The following SMOC1 variants were observed in gnomAD, a reference collection of about 807,000 sequenced individuals.
SMOC1 encodes SPARC-related modular calcium-binding protein 1.
SMOC1 carries 22 observed loss-of-function variants against 56.3 expected under a neutral mutation model. The observed-to-expected ratio is 0.39, with a 90% CI of 0.28 to 0.56. The LOEUF (loss-of-function observed/expected upper bound fraction) is 0.56, where lower values mean the gene tolerates loss of function less well. SMOC1 is among the 20% of genes least tolerant of loss of function. SMOC1 has a pLI of 0.61. For synonymous variants in SMOC1, 193 were observed against 215.0 expected, an observed-to-expected ratio of 0.90 and a Z score of 0.89; for missense variants, 509 against 565.4, an observed-to-expected ratio of 0.90 and a Z score of 1.01.
At chr14:69,951,511 T>C (rs571663012) in intron 1 of SMOC1, among the ~76,000 whole-genome samples, 2 of 152,300 alleles carry the variant, frequency 1.3e-5, no homozygotes, top group Admixed American at 1.3e-4. Context: ...AATCAGGAAA[T>C]CTGTTTCTCA....
intron 2 of SMOC1, 138 bp from the exon 3 acceptor site, chr14:69,953,282 G>A (rs1883070105): frequency 3.9e-6 from 3 of 760,066 alleles, no homozygotes; most frequent in Admixed American, 1.9e-5. Context: ...TACTAGCCAC[G>A]GCCCTTTTAG....
chr14:70,024,016 G>A (rs118154920), intron 11 of SMOC1, among the ~76,000 whole-genome samples: 26 of 152,236 alleles, frequency 1.7e-4, no homozygotes, highest in Non-Finnish European at 2.9e-4. Flanking sequence ...GTGCATGTGA[G>A]GGAGTTTCAT....
At chr14:69,928,678 C>G (rs144169237) in intron 1 of SMOC1, among the ~76,000 whole-genome samples, 315 of 152,130 alleles carry the variant, frequency 2.1e-3, no homozygotes, top group Middle Eastern at 6.8e-3. Flanking sequence ...AAACAAGAGC[C>G]TGCTTCACAT....
intron 7 of SMOC1, among the ~76,000 whole-genome samples, chr14:70,008,489 G>A (rs1885220648): frequency 6.6e-6 from 1 of 152,132 alleles, no homozygotes; most frequent in African/African-American, 2.4e-5. Flanking sequence ...ACTATAAACA[G>A]CTCAGAACAG....
At position 69,977,972 on chromosome 14, in the gene SMOC1, G is replaced by C. The variant is rs758374329; in HGVS notation, c.526+7G>C. On this transcript the variant is annotated splice_region_variant and intron_variant, in intron 5 of 11. Coordinates refer to ENST00000361956, the MANE Select transcript of SMOC1 (RefSeq NM_001034852.3). ...GGTAACTCAGGAAGGAAAGGTGAGT[G>C]GAGTTTTATGCTTTATCTAAATGTT... The C allele has an allele frequency of 2.2e-5, 36 of 1,611,760 alleles. No individual in the cohort carries two copies. The highest frequency in any genetic ancestry group is 3.1e-5 in the Non-Finnish European group (36 of 1,177,952).
chr14:69,882,625 A>G (rs1883675025), intron 1 of SMOC1, among the ~76,000 whole-genome samples: 1 of 152,120 alleles, frequency 6.6e-6, no homozygotes, highest in Admixed American at 6.5e-5. Context: ...TTAATCCTGC[A>G]CAATTTACTG....
chr14:69,886,252 C>T (rs1007667159), intron 1 of SMOC1: 3 of 631,964 alleles, frequency 4.7e-6, no homozygotes, highest in Non-Finnish European at 8.3e-6. Context: ...AGGCCAGCAT[C>T]TTCCTCTTCT....
intron 3 of SMOC1, among the ~76,000 whole-genome samples, chr14:69,974,425 C>T (rs1447424809): frequency 2.0e-5 from 3 of 152,066 alleles, no homozygotes; most frequent in Non-Finnish European, 4.4e-5. Context: ...GGCTCAGAAT[C>T]AGGAGAAACT....
intron 1 of SMOC1, among the ~76,000 whole-genome samples, chr14:69,937,851 G>A (rs561834697): frequency 3.2e-4 from 49 of 152,314 alleles, no homozygotes; most frequent in African/African-American, 1.1e-3. Flanking sequence ...GATCTCAAAT[G>A]ACAGTGGAAA....
intron 10 of SMOC1, among the ~76,000 whole-genome samples, chr14:70,015,676 G>A (rs1885485104): frequency 6.6e-6 from 1 of 152,016 alleles, no homozygotes; most frequent in African/African-American, 2.4e-5. Context: ...ATGAAGACAG[G>A]GTTCAACAGG....
At chr14:69,919,868 T>A (rs1884785921) in intron 1 of SMOC1, among the ~76,000 whole-genome samples, 1 of 151,958 alleles carries the variant, frequency 6.6e-6, no homozygotes, top group African/African-American at 2.4e-5. Flanking sequence ...CAATATGAAA[T>A]TAATACAACC....
At chr14:69,882,687 G>A (rs1883677474) in intron 1 of SMOC1, among the ~76,000 whole-genome samples, 1 of 152,148 alleles carries the variant, frequency 6.6e-6, no homozygotes, top group Non-Finnish European at 1.5e-5. Flanking sequence ...CTGGCTGATG[G>A]TGTCTGGCCG....
At chr14:70,021,017 C>G (rs1052125754) in intron 10 of SMOC1, among the ~76,000 whole-genome samples, 2 of 152,194 alleles carry the variant, frequency 1.3e-5, no homozygotes, top group African/African-American at 4.8e-5. Flanking sequence ...CCCTTCCCGT[C>G]TCAGTGACTG....
At chr14:69,890,897 A>T (rs1425149789) in intron 1 of SMOC1, among the ~76,000 whole-genome samples, 1 of 152,218 alleles carries the variant, frequency 6.6e-6, no homozygotes, top group African/African-American at 2.4e-5. Context: ...TCTAATGTAT[A>T]TGGAGAGATA....
chr14:70,014,877 A>G (rs1431239371), intron 10 of SMOC1, among the ~76,000 whole-genome samples: 4 of 152,366 alleles, frequency 2.6e-5, no homozygotes, highest in African/African-American at 7.2e-5. Flanking sequence ...GGACCCCAGC[A>G]TAGCTCCCTC....
rs1323624843 is a variant in SMOC1, at chr14:69,994,445, A to G, written c.629A>G (p.Asp210Gly). ...TLWIKHLVIK[D>G]SKLNNTNIRN... Reference sequence around the variant, plus strand: ...TGGATTAAACACTTGGTGATCAAGGACTCCAAACTGAACAACACCAACATA... The same window carrying G: ...TGGATTAAACACTTGGTGATCAAGGGCTCCAAACTGAACAACACCAACATA... Residue 210 changes from aspartate to glycine, a missense_variant, in exon 7 of 12, where the codon GAC becomes GGC. Asp to Gly is a moderately conservative substitution (Grantham distance 94). This residue lies in a region of SMOC1 where 315 missense variants were observed against 333.1 expected (regional missense o/e 0.95). Coordinates refer to ENST00000361956, the MANE Select transcript of SMOC1 (RefSeq NM_001034852.3). 2.5e-6 allele frequency: 4 copies of G among 1,613,830 alleles called. No homozygotes were observed. The highest frequency in any genetic ancestry group is 3.4e-6 in the Non-Finnish European group (4 of 1,179,916).
intron 7 of SMOC1, among the ~76,000 whole-genome samples, chr14:69,995,615 T>C (rs1053447895): frequency 6.6e-6 from 1 of 152,354 alleles, no homozygotes; most frequent in Admixed American, 6.5e-5. Context: ...TCAAGTCACA[T>C]AATTCCTTTG....
chr14:69,919,817 C>T (rs1260999529), intron 1 of SMOC1, among the ~76,000 whole-genome samples: 2 of 152,042 alleles, frequency 1.3e-5, no homozygotes, highest in Admixed American at 6.5e-5. Flanking sequence ...CTACAATTAG[C>T]CAACATAATT....
chr14:69,973,654 T>C (rs1883857499), intron 3 of SMOC1, among the ~76,000 whole-genome samples: 1 of 152,230 alleles, frequency 6.6e-6, no homozygotes. Context: ...TTAGACAGCA[T>C]GCACCTTCGT....
Sources: gnomAD v4.1 joint callset for allele counts (sites outside exome capture counted in the v4.1 genomes callset) on GRCh38, gnomAD v4.1.1 for gene constraint, gnomAD v4.1.1 regional missense constraint, MANE v1.5 for transcripts, NCBI Gene and HGNC (gene_info 2026-07-23, HGNC 2026-07-21) for gene names.